Variants in SLC9A9 observed in about 807,000 individuals in gnomAD.
SLC9A9 encodes solute carrier family 9 member A9, also known as sodium/hydrogen exchanger 9.
In SLC9A9, 62 loss-of-function variants were observed where a neutral mutation model predicts 77.8. The observed-to-expected ratio is 0.80, with a 90% CI of 0.65 to 0.98. The LOEUF (loss-of-function observed/expected upper bound fraction) is 0.98, where lower values mean the gene tolerates loss of function less well. Among genes scored for constraint, SLC9A9 ranks in the 50% least tolerant of loss-of-function variants. The pLI, the probability that SLC9A9 is intolerant of heterozygous loss-of-function variation, is 0.00. For synonymous variants in SLC9A9, 320 were observed against 283.5 expected (o/e 1.13, Z -1.29); for missense variants, 775 against 774.9 (o/e 1.00, Z 0.00).
intron 9 of SLC9A9, among the ~76,000 whole-genome samples, chr3:143,518,438 A>G (rs1315341754): frequency 1.3e-5 from 2 of 152,362 alleles, no homozygotes; most frequent in South Asian, 2.1e-4. Context: ...CTCCTCATAC[A>G]GTCAAAGAGA....
intron 14 of SLC9A9, among the ~76,000 whole-genome samples, chr3:143,319,719 A>G (rs1407334247): frequency 6.6e-6 from 1 of 152,198 alleles, no homozygotes; most frequent in African/African-American, 2.4e-5. Context: ...TAAAGGATAG[A>G]CATACTGGGG....
intron 6 of SLC9A9, among the ~76,000 whole-genome samples, chr3:143,615,715 T>C (rs1254424544): frequency 6.6e-6 from 1 of 152,142 alleles, no homozygotes; most frequent in Non-Finnish European, 1.5e-5. Flanking sequence ...TAAACAAATT[T>C]ATCATCACTG....
At chr3:143,822,895 C>T (rs1313564708) in intron 2 of SLC9A9, among the ~76,000 whole-genome samples, 1 of 152,216 alleles carries the variant, frequency 6.6e-6, no homozygotes, top group Non-Finnish European at 1.5e-5. Context: ...CTCTCTGCCT[C>T]CTTCCATCCC....
In SLC9A9 at chr3:143,789,303, C is replaced by T. The variant is rs368044111; in HGVS notation, c.533+5698G>A. On this transcript the variant is annotated intron_variant, in intron 4 of 15. Coordinates refer to ENST00000316549, the MANE Select transcript of SLC9A9 (RefSeq NM_173653.4). ...AAAATTCTCACCGTCCTGACTTTCT[C>T]TTTGCCCAGGCTCTTGAAAAACATA... Among the ~76,000 whole-genome samples the T allele has an allele frequency of 9.1e-4, 139 of 152,322 alleles. 5 individuals are homozygous for T. The South Asian group carries it at 0.021, about 23-fold the overall frequency.
chr3:143,599,241 T>C (rs2037806753), intron 6 of SLC9A9, among the ~76,000 whole-genome samples: 1 of 152,230 alleles, frequency 6.6e-6, no homozygotes, highest in Admixed American at 6.5e-5. Context: ...AAAACATAAT[T>C]ATGTTTCTGA....
chr3:143,578,215 A>G (rs4839602), intron 7 of SLC9A9, among the ~76,000 whole-genome samples: 16,952 of 152,094 alleles, frequency 0.11, 1,140 homozygotes, highest in East Asian at 0.16. Context: ...CCCTTAATCA[A>G]TTGTCTTATT....
chr3:143,434,012 C>T (rs143508703), intron 12 of SLC9A9, among the ~76,000 whole-genome samples: 187 of 152,272 alleles, frequency 1.2e-3, no homozygotes, highest in African/African-American at 4.2e-3. Context: ...CTCTTAACTT[C>T]ATCTCTCTGG....
At chr3:143,532,686 G>A (rs141065928) in intron 9 of SLC9A9, among the ~76,000 whole-genome samples, 1 of 152,252 alleles carries the variant, frequency 6.6e-6, no homozygotes, top group Non-Finnish European at 1.5e-5. Context: ...GTAAAATGTA[G>A]CCGACATGGG....
At position 143,425,795 on chromosome 3, in the gene SLC9A9, A is replaced by G. The variant is rs557331054; in HGVS notation, c.1469+41242T>C. ...TTACTCTCTCATTTGACAGTCCTAA[A>G]ATGTTACTTTAAAACATTTTAGAAG... On this transcript the variant is annotated intron_variant, in intron 12 of 15. Coordinates refer to ENST00000316549, the MANE Select transcript of SLC9A9 (RefSeq NM_173653.4). Among the ~76,000 whole-genome samples, 49 of 152,240 alleles carry G rather than the reference A, an allele frequency of 3.2e-4. 1 individual carries two copies. In the South Asian group the frequency reaches 1.0e-2, roughly 31 times the overall value.
chr3:143,744,110 A>G (rs1935147112), intron 4 of SLC9A9, among the ~76,000 whole-genome samples: 1 of 152,234 alleles, frequency 6.6e-6, no homozygotes, highest in Non-Finnish European at 1.5e-5. Context: ...CTGATAACAT[A>G]GAATTCAAAG....
At chr3:143,419,483 A>G (rs2034258026) in intron 12 of SLC9A9, among the ~76,000 whole-genome samples, 1 of 152,238 alleles carries the variant, frequency 6.6e-6, no homozygotes, top group South Asian at 2.1e-4. Flanking sequence ...TAGAAAATTT[A>G]TAATAGGCCC....
rs548447600 is a variant in SLC9A9, at chr3:143,424,348, G to T, written c.1470-42234C>A. 6.5e-3 allele frequency among the ~76,000 whole-genome samples: 984 copies of T among 151,034 alleles called. 6 individuals carry two copies. Among genetic ancestry groups the T allele is most frequent in the South Asian group, 0.024 (112 of 4,762 alleles). ...GTAGCACGATCTCAGCTCATTGCAA[G>T]TTCCGCCTCCCGGGTTCACGCCATT... On this transcript the variant is annotated intron_variant, in intron 12 of 15. Transcript: ENST00000316549.
chr3:143,659,188 C>A (rs1018636400), intron 5 of SLC9A9, among the ~76,000 whole-genome samples: 1 of 151,692 alleles, frequency 6.6e-6, no homozygotes, highest in Non-Finnish European at 1.5e-5. Context: ...GGTTTATCTA[C>A]AAATCATGAA....
intron 4 of SLC9A9, among the ~76,000 whole-genome samples, chr3:143,770,332 G>A (rs1454811508): frequency 2.0e-5 from 3 of 152,046 alleles, no homozygotes; most frequent in African/African-American, 7.2e-5. Context: ...AGGTACTAGT[G>A]CTTAAAAAAA....
At chr3:143,291,334 C>T (rs2029956251) in intron 14 of SLC9A9, among the ~76,000 whole-genome samples, 1 of 152,162 alleles carries the variant, frequency 6.6e-6, no homozygotes. Context: ...AGCCACATTT[C>T]CCTTAGATGG....
intron 4 of SLC9A9, among the ~76,000 whole-genome samples, chr3:143,764,067 T>G (rs1034582719): frequency 4.6e-5 from 7 of 152,138 alleles, no homozygotes; most frequent in Admixed American, 2.6e-4. Flanking sequence ...CAAGCTTATA[T>G]TATAGAATTT....
intron 12 of SLC9A9, among the ~76,000 whole-genome samples, chr3:143,391,616 G>GCC (rs2033568308): frequency 6.6e-6 from 1 of 152,234 alleles, no homozygotes; most frequent in Admixed American, 6.5e-5. Context: ...ACTTTGACGA[G>GCC]TTGAGAGAAG....
chr3:143,466,935 G>A, intron 12 of SLC9A9, 102 bp downstream of exon 12: 2 of 1,430,750 alleles, frequency 1.4e-6, no homozygotes, highest in African/African-American at 2.8e-5. Flanking sequence ...GAAAGTTAGG[G>A]TAGGACCTGC....
intron 12 of SLC9A9, among the ~76,000 whole-genome samples, chr3:143,402,836 G>A (rs917413479): frequency 6.9e-6 from 1 of 145,052 alleles, no homozygotes; most frequent in Non-Finnish European, 1.5e-5. Context: ...CACATTTAAT[G>A]TTATTGATAT....
Sources: gnomAD v4.1 joint callset for allele counts (sites outside exome capture counted in the v4.1 genomes callset) on GRCh38, gnomAD v4.1.1 for gene constraint, MANE v1.5 for transcripts, NCBI Gene and HGNC (gene_info 2026-07-23, HGNC 2026-07-21) for gene names.